Variants in MTM1 observed in about 807,000 individuals in gnomAD.
MTM1 encodes myotubularin.
A neutral mutation model predicts 52.1 loss-of-function variants in MTM1; 9 were observed. The observed-to-expected ratio is 0.17, with a 90% CI of 0.10 to 0.30. The LOEUF (loss-of-function observed/expected upper bound fraction) is 0.30, where lower values mean the gene tolerates loss of function less well. Ranked by LOEUF, MTM1 falls within the 10% of genes least tolerant of loss-of-function variation. The pLI, the probability that MTM1 is intolerant of heterozygous loss-of-function variation, is 1.00. For synonymous variants in MTM1, 136 were observed against 163.8 expected, an observed-to-expected ratio of 0.83 and a Z score of 1.29; for missense variants, 277 against 470.7, an observed-to-expected ratio of 0.59 and a Z score of 3.81.
chrX:150,628,739 C>CTT (rs113494126), intron 6 of MTM1, among the ~76,000 whole-genome samples: 44 of 100,731 alleles, frequency 4.4e-4, no homozygotes, highest in African/African-American at 1.0e-3. Flanking sequence ...TTCTTGTTTT[C>CTT]TTTTTTTTTT....
At chrX:150,564,739 C>T (rs1348556239), upstream of MTM1, among the ~76,000 whole-genome samples, 6 of 112,154 alleles carry the variant, frequency 5.3e-5, no homozygotes, top group South Asian at 3.7e-4. Flanking sequence ...TTTTTGTGAA[C>T]GTATGTTTCC....
intron 6 of MTM1, among the ~76,000 whole-genome samples, chrX:150,623,866 T>C (rs782336674): frequency 8.9e-6 from 1 of 111,747 alleles, no homozygotes; most frequent in East Asian, 2.8e-4. Context: ...GTTAATATTA[T>C]TGGAACTGTT....
chrX:150,583,735 AT>A lies in MTM1; in HGVS notation c.-10-8868del, dbSNP rs1238187612. ...ATTATATATATTATATAAATTATATATTATATATAAATTAATATATATTAAA... is the reference window on the plus strand; with the variant it reads ...ATTATATATATTATATAAATTATATATATATATAAATTAATATATATTAAA... On this transcript the variant is annotated intron_variant, in intron 1 of 14. Transcript: ENST00000370396. 1.5e-4 allele frequency among the ~76,000 whole-genome samples: 7 copies of A among 47,185 alleles called. 1 individual carries two copies. Among genetic ancestry groups the A allele is most frequent in the African/African-American group, 5.8e-4 (7 of 12,172 alleles). The allele number at this position is 47,185 out of a possible 115,157, so 41.0% of individuals were successfully genotyped here. A position where few individuals can be genotyped will look rare whatever the true frequency, so the allele number is the denominator to read the frequency against.
intron 4 of MTM1, among the ~76,000 whole-genome samples, chrX:150,611,828 G>T (rs149072644): frequency 9.0e-6 from 1 of 111,650 alleles, no homozygotes; most frequent in Non-Finnish European, 1.9e-5. Context: ...ACTTCTCTGG[G>T]TTCCCTCTCT....
intron 6 of MTM1, among the ~76,000 whole-genome samples, chrX:150,632,400 G>A (rs1272160212): frequency 5.4e-5 from 6 of 111,933 alleles, no homozygotes; most frequent in African/African-American, 2.0e-4. Context: ...TAGTGCTGGG[G>A]GCAGAGGAGG....
At chrX:150,629,123 G>A (rs781994242) in intron 6 of MTM1, among the ~76,000 whole-genome samples, 1 of 111,311 alleles carries the variant, frequency 9.0e-6, no homozygotes, top group Admixed American at 9.5e-5. Context: ...TCCCTTGCCC[G>A]CAAACTTCAA....
At position 150,596,811 on chromosome X, in the gene MTM1, G is replaced by GA. The variant is rs1162018754; in HGVS notation, c.136+248dup. 4.2e-5 allele frequency: 14 copies of GA among 332,668 alleles called. 1 individual carries two copies. The highest frequency in any genetic ancestry group is 2.7e-4 in the East Asian group (5 of 18,777). 27.4% of individuals were successfully genotyped at this position (332,668 alleles called of 1,213,427 possible). ...ACCAAAGACTGAGAATGATTTAGGG[G>GA]AAAAAAATGTGGATTATCTCTTGAA... On this transcript the variant is annotated intron_variant, in intron 3 of 14. Transcript: ENST00000370396.
chrX:150,590,112 G>A (rs1557412417), intron 1 of MTM1, among the ~76,000 whole-genome samples: 3 of 111,796 alleles, frequency 2.7e-5, no homozygotes, highest in East Asian at 5.7e-4. Context: ...GAATTTGAAT[G>A]TAGTCAGCTG....
chrX:150,658,206 C>G (rs1251354979), intron 11 of MTM1, among the ~76,000 whole-genome samples, 179 bp downstream of exon 11: 1 of 111,942 alleles, frequency 8.9e-6, no homozygotes, highest in African/African-American at 3.3e-5. Flanking sequence ...ATATGTTTAT[C>G]CATCTGCACT....
At chrX:150,608,529 T>G (rs2039212148) in intron 4 of MTM1, among the ~76,000 whole-genome samples, 1 of 112,097 alleles carries the variant, frequency 8.9e-6, no homozygotes, top group African/African-American at 3.2e-5. Flanking sequence ...CTTTAATTTA[T>G]TTTTTAATTG....
intron 13 of MTM1, 156 bp from the exon 14 acceptor site, chrX:150,663,277 C>T: frequency 1.8e-6 from 1 of 568,716 alleles, no homozygotes; most frequent in Non-Finnish European, 2.9e-6. Flanking sequence ...GCCAAGCACT[C>T]ACTGGCCCAT....
chrX:150,666,956 C>A (rs1364810044), intron 14 of MTM1, among the ~76,000 whole-genome samples: 1 of 111,700 alleles, frequency 9.0e-6, no homozygotes, highest in Non-Finnish European at 1.9e-5. Context: ...TGAGCTCCCA[C>A]CACCATGCTG....
intron 6 of MTM1, among the ~76,000 whole-genome samples, chrX:150,622,456 G>A (rs2039498824): frequency 8.9e-6 from 1 of 111,867 alleles, no homozygotes; most frequent in South Asian, 3.7e-4. Context: ...ATGCAGTGGG[G>A]GCAGTCAAGG....
rs151212366 is a variant in MTM1, at chrX:150,612,351, A to C, written c.232-2238A>C. Among the ~76,000 whole-genome samples the C allele has an allele frequency of 5.0e-3, 558 of 111,839 alleles. 4 individuals carry two copies. Among genetic ancestry groups the C allele is most frequent in the Non-Finnish European group, 6.3e-3 (335 of 53,198 alleles). On this transcript the variant is annotated intron_variant, in intron 4 of 14. Coordinates refer to ENST00000370396, the MANE Select transcript of MTM1 (RefSeq NM_000252.3). The stretch of plus-strand genomic sequence containing the variant: ...TTTTTGAATTTCTAGATAACCCATG[A>C]GCTGCATTTATATTTTATGAATAAC...
At chrX:150,606,446 G>A (rs1032207217) in intron 4 of MTM1, among the ~76,000 whole-genome samples, 15 of 111,649 alleles carry the variant, frequency 1.3e-4, no homozygotes, top group Non-Finnish European at 2.8e-4. Flanking sequence ...CTTTCAGAAA[G>A]GGTCTCATCG....
chrX:150,566,186 A>T (rs1254388469), upstream of MTM1, among the ~76,000 whole-genome samples: 1 of 111,342 alleles, frequency 9.0e-6, no homozygotes, highest in Non-Finnish European at 1.9e-5. Flanking sequence ...CCCAGGCTGA[A>T]GTGTAGTGGT....
chrX:150,658,115 A>G (rs1340048970), intron 11 of MTM1, 88 bp downstream of exon 11: 8 of 786,303 alleles, frequency 1.0e-5, no homozygotes, highest in African/African-American at 4.2e-5. Flanking sequence ...CAGTATTACA[A>G]TGAAAATCTG....
chrX:150,585,181 G>C (rs1557412199), intron 1 of MTM1, among the ~76,000 whole-genome samples: 1 of 111,321 alleles, frequency 9.0e-6, no homozygotes. Flanking sequence ...ATATGCCAAC[G>C]AAGCCCCTGC....
upstream of MTM1, among the ~76,000 whole-genome samples, chrX:150,563,922 C>T (rs2038231714): frequency 9.0e-6 from 1 of 111,368 alleles, no homozygotes; most frequent in Non-Finnish European, 1.9e-5. Flanking sequence ...TCAGCTTTAC[C>T]GAAGTATAAC....
Sources: allele counts gnomAD v4.1 joint callset (sites outside exome capture counted in the v4.1 genomes callset), GRCh38; gene constraint gnomAD v4.1.1; transcripts MANE v1.5; gene names NCBI Gene and HGNC (gene_info 2026-07-23, HGNC 2026-07-21).